Variants in FSTL4 observed in about 807,000 individuals in gnomAD.
The protein encoded by FSTL4 is follistatin like 4.
In FSTL4, 28 loss-of-function variants were observed where a neutral mutation model predicts 78.2. The observed-to-expected ratio is 0.36, with a 90% confidence interval of 0.27 to 0.49. The LOEUF (loss-of-function observed/expected upper bound fraction) is 0.49, where lower values mean the gene tolerates loss of function less well. Ranked by LOEUF, FSTL4 falls within the 20% of genes least tolerant of loss-of-function variation. The probability of loss-of-function intolerance (pLI) is 0.98; values close to 1 mark genes in which losing one functional copy is unlikely to be tolerated. For synonymous variants in FSTL4, 422 were observed against 440.5 expected (o/e 0.96, Z 0.53); for missense variants, 922 against 1,084.9 (o/e 0.85, Z 2.11).
chr5:133,552,010 A>G (rs1363486540), intron 3 of FSTL4, among the ~76,000 whole-genome samples: 2 of 152,202 alleles, frequency 1.3e-5, no homozygotes, highest in Non-Finnish European at 2.9e-5. Context: ...AGATAGAATG[A>G]TGGAAGATTT....
At chr5:133,770,618 G>A in the FSTL4 span, among the ~76,000 whole-genome samples, 1 of 152,076 alleles carries the variant, frequency 6.6e-6, no homozygotes, top group African/African-American at 2.4e-5. Context: ...CTAGATATTA[G>A]CCCTTTGTAA....
intron 8 of FSTL4, among the ~76,000 whole-genome samples, chr5:133,230,174 G>A (rs1261763674): frequency 6.6e-6 from 1 of 152,230 alleles, no homozygotes; most frequent in Non-Finnish European, 1.5e-5. Context: ...CTGTGCCTCA[G>A]CCCTGGCCTC....
At chr5:133,308,673 T>G (rs747021765) in intron 6 of FSTL4, among the ~76,000 whole-genome samples, 1 of 152,190 alleles carries the variant, frequency 6.6e-6, no homozygotes, top group African/African-American at 2.4e-5. Flanking sequence ...AAAAAACAGA[T>G]GTAAATTCAC....
At chr5:133,231,793 A>G (rs1345546585) in intron 8 of FSTL4, among the ~76,000 whole-genome samples, 1 of 152,078 alleles carries the variant, frequency 6.6e-6, no homozygotes, top group African/African-American at 2.4e-5. Flanking sequence ...TCCAGCCTCA[A>G]CCTCCCAAAG....
chr5:133,832,005 A>G, the FSTL4 span, among the ~76,000 whole-genome samples: 2 of 152,172 alleles, frequency 1.3e-5, no homozygotes, highest in African/African-American at 4.8e-5. Context: ...TCATCTCATG[A>G]GAGGGTTCTA....
chr5:133,798,706 A>C, the FSTL4 span, among the ~76,000 whole-genome samples: 1 of 151,930 alleles, frequency 6.6e-6, no homozygotes, highest in Non-Finnish European at 1.5e-5. Flanking sequence ...ACATCAAGGG[A>C]CAACCGAAAT....
chr5:133,246,808 T>A (rs1286857334), intron 7 of FSTL4: 1 of 152,182 alleles, frequency 6.6e-6, no homozygotes, highest in Non-Finnish European at 1.5e-5. Context: ...TTAATGATAG[T>A]AACAATAGTA....
chr5:133,803,033 G>A, the FSTL4 span, among the ~76,000 whole-genome samples: 1 of 152,196 alleles, frequency 6.6e-6, no homozygotes, highest in Non-Finnish European at 1.5e-5. Flanking sequence ...AAGCCCACCT[G>A]TAGTAGGGGA....
rs77484611 is a variant in FSTL4 at position 133,532,966 on chromosome 5, T to G, written c.160+34220A>C. On this transcript the variant is annotated intron_variant, in intron 3 of 15. Coordinates refer to ENST00000265342, the MANE Select transcript of FSTL4 (RefSeq NM_015082.2). ...CAAACCCCAAGCATCCAACCAGAAA[T>G]GAACCCCAGAGACCCTGTCTCAGCT... Among the ~76,000 whole-genome samples the G allele has an allele frequency of 1.2e-3, 189 of 152,146 alleles. 1 individual carries two copies. The highest frequency in any genetic ancestry group is 4.2e-3 in the African/African-American group (175 of 41,528).
chr5:133,580,573 G>A (rs1415854471), intron 2 of FSTL4, among the ~76,000 whole-genome samples: 1 of 152,224 alleles, frequency 6.6e-6, no homozygotes, highest in Non-Finnish European at 1.5e-5. Flanking sequence ...AAACAAGGAA[G>A]GGGGATAGAC....
At chr5:133,828,003 C>G in the FSTL4 span, among the ~76,000 whole-genome samples, 2 of 152,130 alleles carry the variant, frequency 1.3e-5, no homozygotes, top group Non-Finnish European at 2.9e-5. Flanking sequence ...TCGAGGGAAG[C>G]CAGAGGGTTG....
At chr5:133,269,920 T>A (rs1752731365) in intron 6 of FSTL4, 1 of 152,266 alleles carries the variant, frequency 6.6e-6, no homozygotes, top group Non-Finnish European at 1.5e-5. Context: ...CCAGTTCCGA[T>A]GGAAGCCTCC....
intron 6 of FSTL4, among the ~76,000 whole-genome samples, chr5:133,269,866 T>C (rs1752729714): frequency 6.6e-6 from 1 of 152,230 alleles, no homozygotes; most frequent in Admixed American, 6.5e-5. Flanking sequence ...CTTGTAAAGC[T>C]TAGAGAGGAG....
intron 6 of FSTL4, among the ~76,000 whole-genome samples, chr5:133,269,171 C>T (rs1348969562): frequency 8.3e-6 from 1 of 120,948 alleles, no homozygotes; most frequent in Non-Finnish European, 1.6e-5. Context: ...GGCGATGGAG[C>T]GAGACTCCAT....
At chr5:133,436,815 G>A (rs1308787236) in intron 3 of FSTL4, among the ~76,000 whole-genome samples, 1 of 152,144 alleles carries the variant, frequency 6.6e-6, no homozygotes, top group African/African-American at 2.4e-5. Flanking sequence ...AATCACTCTG[G>A]TATTTGGGTG....
intron 4 of FSTL4, among the ~76,000 whole-genome samples, chr5:133,336,575 C>A (rs538461258): frequency 6.6e-6 from 1 of 152,278 alleles, no homozygotes; most frequent in African/African-American, 2.4e-5. Context: ...ATTCCCTGCC[C>A]CCATTGACCC....
At chr5:133,730,068 T>C in the FSTL4 span, among the ~76,000 whole-genome samples, 1 of 152,170 alleles carries the variant, frequency 6.6e-6, no homozygotes, top group Non-Finnish European at 1.5e-5. Context: ...GACTAGTAAA[T>C]TGACTTTGAT....
At chr5:133,580,402 T>C (rs1760374699) in intron 2 of FSTL4, among the ~76,000 whole-genome samples, 1 of 152,176 alleles carries the variant, frequency 6.6e-6, no homozygotes, top group African/African-American at 2.4e-5. Context: ...ACTCATTCAG[T>C]AGATATTTAT....
the FSTL4 span, among the ~76,000 whole-genome samples, chr5:133,643,894 G>A: frequency 6.6e-6 from 1 of 152,158 alleles, no homozygotes; most frequent in African/African-American, 2.4e-5. Flanking sequence ...TTCGGGAGAG[G>A]ATGAAACAGC....
Sources: allele counts gnomAD v4.1 joint callset (sites outside exome capture counted in the v4.1 genomes callset), GRCh38; gene constraint gnomAD v4.1.1; transcripts MANE v1.5; gene names NCBI Gene and HGNC (gene_info 2026-07-23, HGNC 2026-07-21).